PCDHGA5: variants seen among roughly 807,000 people sequenced by gnomAD.
PCDHGA5 encodes protocadherin gamma subfamily A, 5.
In PCDHGA5, 36 loss-of-function variants were observed where a neutral mutation model predicts 56.7. That is an observed-to-expected ratio of 0.64 (90% CI 0.49 to 0.84). The LOEUF is 0.84. Ranked by LOEUF, PCDHGA5 falls within the 40% of genes least tolerant of loss-of-function variation. The pLI, the probability that PCDHGA5 is intolerant of heterozygous loss-of-function variation, is 0.00. For missense variants in PCDHGA5, 1,305 were observed against 1,201.5 expected (o/e 1.09, Z -1.27); for synonymous variants, 563 against 520.2 (o/e 1.08, Z -1.12).
intron 1 of PCDHGA5, chr5:141,442,491 T>G (rs1438583747): frequency 6.6e-6 from 1 of 152,236 alleles, no homozygotes; most frequent in Non-Finnish European, 1.5e-5. Flanking sequence ...AGGGGATGAT[T>G]GTGATTATTC....
At position 141,512,280 on chromosome 5, in the gene PCDHGA5, TGGAAGGGTCAGC is replaced by T. The variant is rs1187119941; in HGVS notation, c.*1111_*1122del. The T allele has an allele frequency of 1.3e-5, 2 of 152,682 alleles. No individual in the cohort carries two copies. Among genetic ancestry groups the T allele is most frequent in the African/African-American group, 2.4e-5 (1 of 41,396 alleles). 9.5% of individuals were successfully genotyped at this position (152,682 alleles called of 1,614,324 possible). ...CTGGGTACTCCAGAGGTGCCACTGGTGGAAGGGTCAGCGGAGCCCCAGCAGGAAGGGTGGGCC... is the reference window on the plus strand; with the variant it reads ...CTGGGTACTCCAGAGGTGCCACTGGTGGAGCCCCAGCAGGAAGGGTGGGCC... On this transcript the variant is annotated 3_prime_UTR_variant, in exon 4 of 4. Transcript: ENST00000518069.
At chr5:141,389,539 AC>A (rs750868475) in intron 1 of PCDHGA5, 1 of 1,613,100 alleles carries the variant, frequency 6.2e-7, no homozygotes, top group African/African-American at 1.3e-5. Context: ...TTAGTGGACG[AC>A]CGCAACGACA....
chr5:141,498,042 A>G (rs1189035278), intron 2 of PCDHGA5, among the ~76,000 whole-genome samples: 2 of 152,238 alleles, frequency 1.3e-5, no homozygotes, highest in Non-Finnish European at 2.9e-5. Flanking sequence ...AATAATTACA[A>G]AAATAAATGT....
chr5:141,496,287 C>T (rs768553690), intron 2 of PCDHGA5, among the ~76,000 whole-genome samples: 3 of 152,200 alleles, frequency 2.0e-5, no homozygotes, highest in Non-Finnish European at 4.4e-5. Flanking sequence ...TTGGTCTGAG[C>T]AGAGTGGGAT....
chr5:141,454,832 G>A (rs1311246854), intron 1 of PCDHGA5, among the ~76,000 whole-genome samples: 2 of 75,830 alleles, frequency 2.6e-5, no homozygotes, highest in African/African-American at 1.3e-4. Context: ...TTTTGAGACA[G>A]AGTCGCGCTC....
Position 141,490,151 on chromosome 5 carries a change from T to A in PCDHGA5, c.2422-4656T>A, listed in dbSNP as rs1449636059. 6.2e-6 allele frequency: 10 copies of A among 1,614,210 alleles called. No homozygotes were observed. The highest frequency in any genetic ancestry group is 8.5e-6 in the Non-Finnish European group (10 of 1,180,018). On this transcript the variant is annotated intron_variant, in intron 1 of 3. Transcript: ENST00000518069. This position sits in a 1 kb window ranked among gnomAD's most constrained non-coding sequence, Gnocchi z 5.4. ...GACCCTAGCAGTGGGGCAATCCATG[T>A]GTTGGGTCCCATAGACTTTGAGGAG... is the stretch of plus-strand genomic sequence containing the variant.
intron 1 of PCDHGA5, chr5:141,427,514 G>A (rs1193674497): frequency 1.7e-6 from 1 of 595,712 alleles, no homozygotes; most frequent in Non-Finnish European, 3.2e-6. Context: ...CCCTGGATTG[G>A]GAGCGGATCC....
At chr5:141,403,159 A>G (rs778714191) in intron 1 of PCDHGA5, 2 of 1,614,002 alleles carry the variant, frequency 1.2e-6, no homozygotes, top group East Asian at 4.5e-5. Context: ...TCGTCTCTAG[A>G]GGTAGGACGC....
chr5:141,368,145 T>C (rs1461482681), intron 1 of PCDHGA5, among the ~76,000 whole-genome samples: 1 of 152,222 alleles, frequency 6.6e-6, no homozygotes, highest in African/African-American at 2.4e-5. Context: ...AATTTTGTAC[T>C]TTTAAAACCT....
rs750216656 is a variant in PCDHGA5 at position 141,422,121 on chromosome 5, A to G, written c.2421+55370A>G. 4.4e-6 allele frequency: 7 copies of G among 1,602,838 alleles called. No individual in the cohort carries two copies. In the Admixed American group the frequency reaches 8.8e-5, roughly 20 times the overall value. On this transcript the variant is annotated intron_variant, in intron 1 of 3. Coordinates refer to ENST00000518069, the MANE Select transcript of PCDHGA5 (RefSeq NM_018918.3). ...CTGAAATATTCCAATTGGATTCACA[A>G]ACTGGAGAAGTTCAAGTACGGGGGT...
Position 141,489,084 on chromosome 5 carries a change from C to T in PCDHGA5, c.2422-5723C>T, listed in dbSNP as rs1232276875. On this transcript the variant is annotated intron_variant, in intron 1 of 3. Transcript: ENST00000518069. This position sits in a 1 kb window ranked among gnomAD's most constrained non-coding sequence, Gnocchi z 4.5. ...CTCCCCCCTGCCCACCCCCGCCACTCGGTGACTAAGAACTGCTGCAAGCAG... is the reference window on the plus strand; with the variant it reads ...CTCCCCCCTGCCCACCCCCGCCACTTGGTGACTAAGAACTGCTGCAAGCAG... The T allele has an allele frequency of 1.5e-5, 5 of 329,072 alleles. No homozygotes were observed. Among genetic ancestry groups the T allele is most frequent in the South Asian group, 1.3e-4 (2 of 15,846 alleles). The allele number at this position is 329,072 out of a possible 1,614,324, so 20.4% of individuals were successfully genotyped here. A position where few individuals can be genotyped will look rare whatever the true frequency, so the allele number is the denominator to read the frequency against.
chr5:141,444,184 T>TG, intron 1 of PCDHGA5, among the ~76,000 whole-genome samples: 1 of 138,886 alleles, frequency 7.2e-6, no homozygotes, highest in South Asian at 2.4e-4. Flanking sequence ...TTTTTTTTTT[T>TG]TTTTGAGATG....
intron 1 of PCDHGA5, chr5:141,404,124 C>G: frequency 1.2e-6 from 2 of 1,613,272 alleles, no homozygotes; most frequent in Non-Finnish European, 1.7e-6. Flanking sequence ...GAGAATCTAT[C>G]TTTTACATTA....
At chr5:141,399,376 A>T in intron 1 of PCDHGA5, 1 of 1,613,956 alleles carries the variant, frequency 6.2e-7, no homozygotes, top group Non-Finnish European at 8.5e-7. Context: ...GTACAATGTC[A>T]CCATCACAGC....
intron 1 of PCDHGA5, among the ~76,000 whole-genome samples, chr5:141,425,040 A>G (rs2096853898): frequency 6.6e-6 from 1 of 152,182 alleles, no homozygotes; most frequent in South Asian, 2.1e-4. Flanking sequence ...TTAGTTGTAA[A>G]CTGACTATCT....
At chr5:141,427,776 G>T (rs3828681) in intron 1 of PCDHGA5, 8 of 1,424,704 alleles carry the variant, frequency 5.6e-6, no homozygotes, top group Non-Finnish European at 9.8e-7. Context: ...GGAGCTGCGG[G>T]CACTGTCGTC....
At chr5:141,451,561 C>T (rs1412657561) in intron 1 of PCDHGA5, among the ~76,000 whole-genome samples, 2 of 152,096 alleles carry the variant, frequency 1.3e-5, no homozygotes, top group Non-Finnish European at 2.9e-5. Flanking sequence ...ATGAAAGCCA[C>T]AATCTTTTTA....
chr5:141,400,003 C>T, intron 1 of PCDHGA5: 5 of 1,612,396 alleles, frequency 3.1e-6, no homozygotes, highest in Non-Finnish European at 4.2e-6. Flanking sequence ...GCGCACAGCG[C>T]GTGCCTTGGG....
chr5:141,371,540 C>G, intron 1 of PCDHGA5: 1 of 1,613,730 alleles, frequency 6.2e-7, no homozygotes, highest in East Asian at 2.2e-5. Flanking sequence ...ATGGAGAAAT[C>G]CTATGCCAAC....
Sources: gnomAD v4.1 joint callset for allele counts (sites outside exome capture counted in the v4.1 genomes callset) on GRCh38, gnomAD v4.1.1 for gene constraint, Gnocchi (gnomAD v3.1) non-coding constraint, MANE v1.5 for transcripts, NCBI Gene and HGNC (gene_info 2026-07-23, HGNC 2026-07-21) for gene names.